The following RYR1 variants were observed in gnomAD, a reference collection of about 807,000 sequenced individuals.
RYR1 encodes the protein central core disease of muscle.
A neutral mutation model predicts 583.5 loss-of-function variants in RYR1; 342 were observed. The ratio of observed to expected loss-of-function variants is 0.59; its 90% confidence interval spans 0.54 to 0.64. The LOEUF (loss-of-function observed/expected upper bound fraction) is 0.64, where lower values mean the gene tolerates loss of function less well. Among genes scored for constraint, RYR1 ranks in the 30% least tolerant of loss-of-function variants. The pLI, the probability that RYR1 is intolerant of heterozygous loss-of-function variation, is 0.00. For missense variants in RYR1, 6,032 were observed against 6,917.2 expected (o/e 0.87, Z 4.54); for synonymous variants, 2,791 against 2,822.5 (o/e 0.99, Z 0.35).
In RYR1 at chr19:38,534,797, G is replaced by A. The variant is rs755875434; in HGVS notation, c.11337G>A (p.Leu3779=). Residue 3779 remains leucine (L), a synonymous_variant, in exon 79 of 106, where the codon CTG becomes CTA. Transcript: ENST00000359596. The part of the protein sequence containing the change: ...LHTRGAAEMV[L]QMISACKGET... ...CCCGGGGGGCGGCCGAGATGGTGCT[G>A]CAGATGATCAGTGCCTGCAAAGGTG... 2 of 1,613,314 alleles carry A rather than the reference G, an allele frequency of 1.2e-6. No individual in the cohort carries two copies. The highest frequency in any genetic ancestry group is 1.1e-5 in the South Asian group (1 of 90,772).
chr19:38,569,111 C>T (rs111299568), intron 93 of RYR1, among the ~76,000 whole-genome samples: 137 of 152,010 alleles, frequency 9.0e-4, no homozygotes, highest in Non-Finnish European at 1.7e-3. Context: ...CCTGGGTTCA[C>T]GCCATTCTCC....
chr19:38,546,348 G>A lies in RYR1; in HGVS notation c.12013-97G>A, dbSNP rs1303280128. 12 of 999,712 alleles carry A rather than the reference G, an allele frequency of 1.2e-5. No individual in the cohort carries two copies. In the Middle Eastern group the frequency reaches 6.3e-4, roughly 53 times the overall value. 61.9% of individuals were successfully genotyped at this position (999,712 alleles called of 1,614,324 possible). On this transcript the variant is annotated intron_variant, in intron 87 of 105. Transcript: ENST00000359596. ...CCTCGGAGGTAAGAGGGGAGAAAAC[G>A]GGTTTAGGCCCTGCTGGGTAGGTGA...
In RYR1 at chr19:38,467,824, C is replaced by G. The variant is rs1434072697; in HGVS notation, c.3381+12C>G. 4 of 1,612,970 alleles carry G rather than the reference C, an allele frequency of 2.5e-6. No homozygotes were observed. In the African/African-American group the frequency reaches 5.3e-5, roughly 22 times the overall value. ...TCAATGGGCACCGCGTGGGTACCTC[C>G]CTGGGCACCATTCTGCCAGGTCCTG... On this transcript the variant is annotated intron_variant, in intron 25 of 105. Coordinates refer to ENST00000359596, the MANE Select transcript of RYR1 (RefSeq NM_000540.3).
chr19:38,443,834 C>A, intron 5 of RYR1, 38 bp downstream of exon 5: 3 of 1,594,408 alleles, frequency 1.9e-6, no homozygotes, highest in Non-Finnish European at 1.7e-6. Flanking sequence ...TGAAGGGGCC[C>A]CGCAGCAGGG....
chr19:38,463,653 A>G lies in RYR1; in HGVS notation c.2683-94A>G, dbSNP rs566154000. 2.2e-5 allele frequency: 32 copies of G among 1,469,548 alleles called. No homozygotes were observed. In the South Asian group the frequency reaches 2.5e-4, roughly 11 times the overall value. The allele number at this position is 1,469,548 out of a possible 1,614,324, so 91.0% of individuals were successfully genotyped here. A position where few individuals can be genotyped will look rare whatever the true frequency, so the allele number is the denominator to read the frequency against. ...AGGGGGTCCTTGGACTGAGGGTGGC[A>G]GAACTAGGGTTGGAGGTCAGGGGTC... On this transcript the variant is annotated intron_variant, in intron 21 of 105. Coordinates refer to ENST00000359596, the MANE Select transcript of RYR1 (RefSeq NM_000540.3).
chr19:38,534,565 C>T (rs575305893), intron 78 of RYR1, among the ~76,000 whole-genome samples, 155 bp from the exon 79 acceptor site: 1 of 152,216 alleles, frequency 6.6e-6, no homozygotes, highest in East Asian at 1.9e-4. Flanking sequence ...GGAGATACAT[C>T]GAGGGTGTGA....
At chr19:38,585,386 A>G (rs1388610573) in intron 102 of RYR1, among the ~76,000 whole-genome samples, 1 of 145,926 alleles carries the variant, frequency 6.9e-6, no homozygotes, top group Non-Finnish European at 1.5e-5. Flanking sequence ...ATATATATAT[A>G]TGTTTATTTA....
chr19:38,530,562 G>A (rs73032616), intron 76 of RYR1, among the ~76,000 whole-genome samples: 14,641 of 151,770 alleles, frequency 0.096, 823 homozygotes, highest in South Asian at 0.25. Context: ...GAGCCACCGC[G>A]CCTGTCAGGG....
rs1209948722 is a variant in RYR1 at position 38,523,124 on chromosome 19, C to T, written c.10347+9C>T. On this transcript the variant is annotated intron_variant, in intron 68 of 105. Transcript: ENST00000359596. ...ACTGGTCCAAGTCCCACGTGAGTGC[C>T]CACCCCAACCGCCCTCCCCACAACC... The T allele has an allele frequency of 6.2e-7, 1 of 1,613,660 alleles. No homozygotes were observed. Among genetic ancestry groups the T allele is most frequent in the Non-Finnish European group, 8.5e-7 (1 of 1,179,894 alleles).
At chr19:38,585,450 A>G (rs948345917) in intron 102 of RYR1, among the ~76,000 whole-genome samples, 10 of 147,518 alleles carry the variant, frequency 6.8e-5, no homozygotes, top group African/African-American at 2.5e-4. Context: ...ATTTATATAT[A>G]TGTGTGTGTG....
At chr19:38,566,712 G>A (rs971024606) in intron 91 of RYR1, among the ~76,000 whole-genome samples, 199 bp from the exon 92 acceptor site, 1 of 152,090 alleles carries the variant, frequency 6.6e-6, no homozygotes, top group Admixed American at 6.6e-5. Flanking sequence ...CAGTGCTTTG[G>A]GCAAAGGGCT....
chr19:38,446,659 T>G (rs1181121947), intron 8 of RYR1, 35 bp from the exon 9 acceptor site: 2 of 1,609,868 alleles, frequency 1.2e-6, no homozygotes, highest in Admixed American at 1.7e-5. Context: ...TCCGGGGAGC[T>G]GAACCCTTGA....
At chr19:38,518,401 TAAA>T (rs10714494) in intron 66 of RYR1, among the ~76,000 whole-genome samples, 5 of 113,784 alleles carry the variant, frequency 4.4e-5, no homozygotes, top group African/African-American at 6.7e-5. Flanking sequence ...CTCTATTATT[TAAA>T]AAAAAAAAAA....
chr19:38,470,979 C>T (rs186743053), intron 27 of RYR1, among the ~76,000 whole-genome samples: 10 of 152,264 alleles, frequency 6.6e-5, no homozygotes, highest in African/African-American at 2.2e-4. Flanking sequence ...GCATGCTACA[C>T]GGAAGTGAGA....
chr19:38,463,628 A>AG, intron 21 of RYR1, 101 bp downstream of exon 21: 1 of 1,450,542 alleles, frequency 6.9e-7, no homozygotes, highest in Non-Finnish European at 9.7e-7. Flanking sequence ...ACAGGGCACC[A>AG]GGGGGTCCTT....
intron 11 of RYR1, among the ~76,000 whole-genome samples, chr19:38,449,179 GC>G (rs1276708336): frequency 1.3e-5 from 2 of 152,166 alleles, no homozygotes; most frequent in Admixed American, 6.5e-5. Context: ...CAGAGACACG[GC>G]CGGGCGTGGT....
rs919956211 is a variant in RYR1, at chr19:38,536,196, C to T, written c.11590+126C>T. On this transcript the variant is annotated intron_variant, in intron 82 of 105. Transcript: ENST00000359596. ...AGACACTGGTTCCCAAGGGCTCCCT[C>T]GGGTCCCTCCCTCTGCTGTGGTCCC... The T allele has an allele frequency of 1.6e-4, 136 of 845,544 alleles. No individual in the cohort carries two copies. The African/African-American group carries it at 1.6e-3, about 10-fold the overall frequency. 52.4% of individuals were successfully genotyped at this position (845,544 alleles called of 1,614,324 possible). A position where few individuals can be genotyped will look rare whatever the true frequency, so the allele number is the denominator to read the frequency against.
At position 38,459,233 on chromosome 19, in the gene RYR1, C is replaced by T. The variant is rs201229451; in HGVS notation, c.2255C>T (p.Pro752Leu). 3.1e-6 allele frequency: 5 copies of T among 1,613,942 alleles called. No individual in the cohort carries two copies. The highest frequency in any genetic ancestry group is 3.4e-6 in the Non-Finnish European group (4 of 1,179,970). The change falls in exon 19 of 106, where the codon CCG becomes CTG. Residue 752 changes from proline to leucine, a missense_variant. By Grantham distance (98) the Pro-to-Leu change is moderately conservative (BLOSUM62 -3). Coordinates refer to ENST00000359596, the MANE Select transcript of RYR1 (RefSeq NM_000540.3). ...VISCCLDLSV[P>L]SISFRINGCP... is the part of the protein sequence containing the mutation. ...AGCTGCTGCCTGGACCTCAGCGTGC[C>T]GTCCATCTCCTTCCGCATCAACGGC...
chr19:38,465,261 A>C lies in RYR1; in HGVS notation c.2870+539A>C, dbSNP rs192227153. Among the ~76,000 whole-genome samples the C allele has an allele frequency of 3.8e-3, 572 of 152,168 alleles. 2 individuals carry two copies. Among genetic ancestry groups the C allele is most frequent in the African/African-American group, 0.013 (527 of 41,506 alleles). On this transcript the variant is annotated intron_variant, in intron 23 of 105. Coordinates refer to ENST00000359596, the MANE Select transcript of RYR1 (RefSeq NM_000540.3). ...TGAGGCAGGAAGATCACTTGAGCCC[A>C]GTTCAAGACCAGCCTGGGCAACATG...
Sources: gnomAD v4.1 joint callset for allele counts (sites outside exome capture counted in the v4.1 genomes callset) on GRCh38, gnomAD v4.1.1 for gene constraint, MANE v1.5 for transcripts, NCBI Gene and HGNC (gene_info 2026-07-23, HGNC 2026-07-21) for gene names.